Variants in BEST2 observed in about 807,000 individuals in gnomAD.
BEST2 encodes the protein bestrophin 2.
Under a neutral mutation model 49.0 loss-of-function variants are expected in BEST2, and 36 were observed. The ratio of observed to expected loss-of-function variants is 0.73; its 90% confidence interval spans 0.56 to 0.97. The LOEUF (loss-of-function observed/expected upper bound fraction) is 0.97, where lower values mean the gene tolerates loss of function less well. Ranked by LOEUF, BEST2 falls within the 50% of genes least tolerant of loss-of-function variation. BEST2 has a pLI of 0.00. For synonymous variants in BEST2, 335 were observed against 304.4 expected (o/e 1.10, Z -1.05); for missense variants, 672 against 710.0 (o/e 0.95, Z 0.61).
At chr19:12,757,533 A>G in intron 9 of BEST2, 118 bp from the exon 10 acceptor site, 1 of 1,172,738 alleles carries the variant, frequency 8.5e-7, no homozygotes, top group Non-Finnish European at 1.2e-6. Context: ...AGGAGCTAAG[A>G]TCTTTGGGGA....
chr19:12,758,160 C>T lies in BEST2; in HGVS notation c.*83C>T, dbSNP rs1488573727. The T allele has an allele frequency of 1.4e-6, 2 of 1,475,412 alleles. No homozygotes were observed. The highest frequency in any genetic ancestry group is 1.4e-5 in the African/African-American group (1 of 71,114). The allele number at this position is 1,475,412 out of a possible 1,614,324, so 91.4% of individuals were successfully genotyped here. A position where few individuals can be genotyped will look rare whatever the true frequency, so the allele number is the denominator to read the frequency against. On this transcript the variant is annotated 3_prime_UTR_variant, in exon 10 of 10. Coordinates refer to ENST00000553030, the MANE Select transcript of BEST2 (RefSeq NM_017682.3). ...CAGGTGTCCCGGTCTGCATAAGCCT[C>T]GTGTGCCTTTGTAAAGTCCACCTAC...
intron 1 of BEST2, 40 bp from the exon 2 acceptor site, chr19:12,752,502 G>C: frequency 2.2e-6 from 3 of 1,374,008 alleles, no homozygotes; most frequent in Non-Finnish European, 2.0e-6. Flanking sequence ...TGGAATCCCT[G>C]TGCTCAGTTA....
rs1967970132 is a variant in BEST2, at chr19:12,758,223, G to A, written c.*146G>A. The A allele has an allele frequency of 3.9e-6, 4 of 1,038,530 alleles. No homozygotes were observed. The highest frequency in any genetic ancestry group is 3.2e-5 in the African/African-American group (2 of 61,556). The allele number at this position is 1,038,530 out of a possible 1,614,324, so 64.3% of individuals were successfully genotyped here. On this transcript the variant is annotated 3_prime_UTR_variant, in exon 10 of 10. Transcript: ENST00000553030. ...CTCTCGCTGCCCGCATGTGTTTGGC[G>A]CTGTGCTAGGGGCGGGAGTTCTTCC...
intron 3 of BEST2, among the ~76,000 whole-genome samples, chr19:12,754,107 G>GCTCTGTT (rs1967905225): frequency 8.7e-6 from 1 of 114,736 alleles, no homozygotes; most frequent in Non-Finnish European, 1.6e-5. Context: ...ATGGAGTCTC[G>GCTCTGTT]CTCTGTTGCC....
chr19:12,755,007 C>T lies in BEST2; in HGVS notation c.612C>T (p.Asn204=), dbSNP rs17706412. 9.1e-3 allele frequency: 14,610 copies of T among 1,609,284 alleles called. 211 individuals are homozygous for T. The highest frequency in any genetic ancestry group is 0.07 in the Admixed American group (4,066 of 57,944). ...GACGCGAGGGCCGCATCCGCGACAA[C>T]AGCGCCCTTAAGCTGCTGCTCGAGG... ...QARREGRIRD[N]SALKLLLEEL... Residue 204 remains asparagine, a synonymous_variant, in exon 5 of 10, where the codon AAC becomes AAT. Coordinates refer to ENST00000553030, the MANE Select transcript of BEST2 (RefSeq NM_017682.3). This position sits in a 1 kb window ranked among gnomAD's most constrained non-coding sequence, Gnocchi z 4.4.
In BEST2 at chr19:12,756,335, T is replaced by A. The variant is rs1446815986; in HGVS notation, c.1103+40T>A. Reference sequence around the variant, plus strand: ...TGGGCAGGGCCGCCTGGGGCAGGGCTTATGGCTCTGCGGGGCACATCTGAT... The same window carrying A: ...TGGGCAGGGCCGCCTGGGGCAGGGCATATGGCTCTGCGGGGCACATCTGAT... On this transcript the variant is annotated intron_variant, in intron 9 of 9. Transcript: ENST00000553030. The A allele has an allele frequency of 1.9e-6, 3 of 1,605,640 alleles. No homozygotes were observed. The South Asian group carries it at 3.3e-5, about 18-fold the overall frequency.
chr19:12,756,494 A>T (rs982555080), intron 9 of BEST2, 199 bp downstream of exon 9: 1 of 718,574 alleles, frequency 1.4e-6, no homozygotes, highest in Non-Finnish European at 2.2e-6. Flanking sequence ...GACTGGGGAC[A>T]GAGCTAAGGG....
chr19:12,754,522 A>G (rs1599457605), intron 3 of BEST2, 30 bp from the exon 4 acceptor site: 2 of 1,416,190 alleles, frequency 1.4e-6, no homozygotes, highest in Non-Finnish European at 9.4e-7. Flanking sequence ...TGGTGTCCCC[A>G]CTGAGCCCCC....
chr19:12,756,148 T>C lies in BEST2; in HGVS notation c.956T>C (p.Met319Thr), dbSNP rs764843771. The C allele has an allele frequency of 3.5e-5, 57 of 1,614,252 alleles. No individual in the cohort carries two copies. The highest frequency in any genetic ancestry group is 4.4e-5 in the Non-Finnish European group (52 of 1,180,046). Residue 319 changes from methionine to threonine, a missense_variant, in exon 9 of 10, where the codon ATG (methionine) becomes ACG (threonine). Met to Thr is a moderately conservative substitution (Grantham distance 81). This residue lies in a region of BEST2 where 291 missense variants were observed against 279.8 expected (regional missense o/e 1.04). Coordinates refer to ENST00000553030, the MANE Select transcript of BEST2 (RefSeq NM_017682.3). ...FLIDRNFQVS[M>T]LAVDEMYDDL... ...GTGTGTTTGCACCCGTAGGTGTCCA[T>C]GCTGGCAGTGGACGAGATGTATGAT...
At chr19:12,754,413 G>C in intron 3 of BEST2, 139 bp from the exon 4 acceptor site, 1 of 715,030 alleles carries the variant, frequency 1.4e-6, no homozygotes, top group Admixed American at 3.4e-5. Flanking sequence ...CAAGTTCCCA[G>C]CCCAAACGTG....
At chr19:12,752,410 T>C in intron 1 of BEST2, 132 bp from the exon 2 acceptor site, 4 of 571,712 alleles carry the variant, frequency 7.0e-6, no homozygotes. Context: ...CACTGGGGGC[T>C]GGACTAGACT....
rs1967964281 is a variant in BEST2, at chr19:12,757,850, T to C, written c.1303T>C (p.Cys435Arg). 1 of 1,549,214 alleles carries C rather than the reference T, an allele frequency of 6.5e-7. No individual in the cohort carries two copies. The highest frequency in any genetic ancestry group is 8.7e-7 in the Non-Finnish European group (1 of 1,146,734). The change falls in exon 10 of 10, where the codon TGC (cysteine) becomes CGC (arginine). Residue 435 changes from cysteine to arginine, a missense_variant. Cys to Arg is a radical substitution (Grantham distance 180). Coordinates refer to ENST00000553030, the MANE Select transcript of BEST2 (RefSeq NM_017682.3). ...SEASTGASCS[C>R]AVVPEGAAPE... ...GGCGTCTACTGGGGCCAGCTGCTCA[T>C]GCGCGGTTGTCCCCGAAGGCGCGGC... is the stretch of plus-strand genomic sequence containing the variant.
In BEST2 at chr19:12,752,722, A is replaced by C. The variant is rs1340233902; in HGVS notation, c.130A>C (p.Met44Leu). The C allele has an allele frequency of 6.2e-7, 1 of 1,612,046 alleles. No individual in the cohort carries two copies. The highest frequency in any genetic ancestry group is 8.5e-7 in the Non-Finnish European group (1 of 1,179,750). The change falls in exon 2 of 10, where the codon ATG becomes CTG. Residue 44 changes from methionine to leucine, a missense_variant. This residue lies in a region of BEST2 where 365 missense variants were observed against 390.9 expected (regional missense o/e 0.93). Coordinates refer to ENST00000553030, the MANE Select transcript of BEST2 (RefSeq NM_017682.3). Reference sequence around the variant, plus strand: ...GCTGCTCTGCTTCCTTGGGTTCTACATGGCGCTGAGTGCTGCCTACCGGTG... The same window carrying C: ...GCTGCTCTGCTTCCTTGGGTTCTACCTGGCGCTGAGTGCTGCCTACCGGTG... ...RELLCFLGFY[M>L]ALSAAYRFVL...
rs746543024 is a variant in BEST2 at position 12,758,044 on chromosome 19, C to T, written c.1497C>T (p.Ser499=). 6.2e-7 allele frequency: 1 copy of T among 1,613,152 alleles called. No homozygotes were observed. The highest frequency in any genetic ancestry group is 1.3e-5 in the African/African-American group (1 of 74,946). ...GTCCGGCGCCACCCTGGCTGCCCAG[C>T]CCTATTGGCGAGGAGGAGGAGAATC... ...PRGPAPPWLP[S]PIGEEEENLA The change falls in exon 10 of 10, where the codon AGC becomes AGT. Residue 499 remains serine, a synonymous_variant. Coordinates refer to ENST00000553030, the MANE Select transcript of BEST2 (RefSeq NM_017682.3).
rs114645428 is a variant in BEST2 at position 12,752,477 on chromosome 19, G to A, written c.-51-65G>A. 1.9e-4 allele frequency: 212 copies of A among 1,137,044 alleles called. 2 individuals are homozygous for A. Among genetic ancestry groups the A allele is most frequent in the Admixed American group, 1.6e-3 (80 of 51,112 alleles). 70.4% of individuals were successfully genotyped at this position (1,137,044 alleles called of 1,614,324 possible). A position where few individuals can be genotyped will look rare whatever the true frequency, so the allele number is the denominator to read the frequency against. ...CAAGGGTCAGGACTGAAGGGGTGGC[G>A]GGCCGGAACATGGGTGGAATCCCTG... On this transcript the variant is annotated intron_variant, in intron 1 of 9. Coordinates refer to ENST00000553030, the MANE Select transcript of BEST2 (RefSeq NM_017682.3).
In BEST2 at chr19:12,754,658, C is replaced by G; in HGVS notation, c.354C>G (p.Asp118Glu). 6.4e-7 allele frequency: 1 copy of G among 1,557,538 alleles called. No homozygotes were observed. Among genetic ancestry groups the G allele is most frequent in the Non-Finnish European group, 8.7e-7 (1 of 1,150,430 alleles). Residue 118 changes from aspartate (D) to glutamate (E), a missense_variant, in exon 4 of 10, where the codon GAC becomes GAG. Around this residue, in one of 3 missense-constraint regions of BEST2, gnomAD observed 365 missense variants for 390.9 expected, o/e 0.93. Transcript: ENST00000553030. Reference sequence around the variant, plus strand: ...TGGCGGGCACCGTGCACGGACGCGACGACCGCGGCCGCCTCTACCGGCGCA... The same window carrying G: ...TGGCGGGCACCGTGCACGGACGCGAGGACCGCGGCCGCCTCTACCGGCGCA... The part of the protein sequence containing the change: ...CVVAGTVHGR[D>E]DRGRLYRRTL...
At position 12,754,663 on chromosome 19, in the gene BEST2, G is replaced by T; in HGVS notation, c.359G>T (p.Arg120Leu). The change falls in exon 4 of 10, where the codon CGC (arginine) becomes CTC (leucine). Residue 120 changes from arginine to leucine, a missense_variant. Around this residue, in one of 3 missense-constraint regions of BEST2, gnomAD observed 365 missense variants for 390.9 expected, o/e 0.93. Coordinates refer to ENST00000553030, the MANE Select transcript of BEST2 (RefSeq NM_017682.3). ...VAGTVHGRDD[R>L]GRLYRRTLMR... ...GGCACCGTGCACGGACGCGACGACC[G>T]CGGCCGCCTCTACCGGCGCACACTC... 2 of 1,560,676 alleles carry T rather than the reference G, an allele frequency of 1.3e-6. No homozygotes were observed. The highest frequency in any genetic ancestry group is 1.7e-6 in the Non-Finnish European group (2 of 1,152,100).
rs571541453 is a variant in BEST2, at chr19:12,752,499, C to A, written c.-51-43C>A. ...GGCGGGCCGGAACATGGGTGGAATC[C>A]CTGTGCTCAGTTATCCCCGCACCTC... On this transcript the variant is annotated intron_variant, in intron 1 of 9. Coordinates refer to ENST00000553030, the MANE Select transcript of BEST2 (RefSeq NM_017682.3). 8 of 1,349,144 alleles carry A rather than the reference C, an allele frequency of 5.9e-6. No individual in the cohort carries two copies. The African/African-American group carries it at 1.1e-4, about 19-fold the overall frequency. The allele number at this position is 1,349,144 out of a possible 1,614,324, so 83.6% of individuals were successfully genotyped here. A position where few individuals can be genotyped will look rare whatever the true frequency, so the allele number is the denominator to read the frequency against.
At chr19:12,753,445 T>C in intron 3 of BEST2, 91 bp downstream of exon 3, 14 of 1,220,348 alleles carry the variant, frequency 1.1e-5, no homozygotes, top group Non-Finnish European at 1.5e-5. Context: ...CCTGCCCCTC[T>C]GAGATCCCCC....
Sources: gnomAD v4.1 joint callset for allele counts (sites outside exome capture counted in the v4.1 genomes callset) on GRCh38, gnomAD v4.1.1 for gene constraint, gnomAD v4.1.1 regional missense constraint, Gnocchi (gnomAD v3.1) non-coding constraint, MANE v1.5 for transcripts, NCBI Gene and HGNC (gene_info 2026-07-23, HGNC 2026-07-21) for gene names.